LAMA2: variants seen among roughly 807,000 people sequenced by gnomAD.
LAMA2 encodes laminin subunit alpha 2.
Under a neutral mutation model 364.8 loss-of-function variants are expected in LAMA2, and 269 were observed. The ratio of observed to expected loss-of-function variants is 0.74; its 90% CI spans 0.67 to 0.82. LAMA2 has a LOEUF of 0.82. Ranked by LOEUF, LAMA2 falls within the 40% of genes least tolerant of loss-of-function variation. The pLI is 0.00. For synonymous variants in LAMA2, 1,379 were observed against 1,370.6 expected, an observed-to-expected ratio of 1.01 and a Z score of -0.14; for missense variants, 3,807 against 3,873.2, an observed-to-expected ratio of 0.98 and a Z score of 0.45.
intron 2 of LAMA2, among the ~76,000 whole-genome samples, chr6:129,056,606 A>G (rs1788506922): frequency 6.6e-6 from 1 of 152,218 alleles, no homozygotes; most frequent in Non-Finnish European, 1.5e-5. Context: ...CTATAATACC[A>G]TAAATAGCTT....
intron 1 of LAMA2, among the ~76,000 whole-genome samples, chr6:129,043,577 T>C: frequency 6.6e-6 from 1 of 152,244 alleles, no homozygotes; most frequent in Admixed American, 6.5e-5. Flanking sequence ...TGCTTGAAGA[T>C]GCTTGTTTGC....
At chr6:129,202,926 A>G (rs938996292) in intron 12 of LAMA2, among the ~76,000 whole-genome samples, 4 of 152,246 alleles carry the variant, frequency 2.6e-5, no homozygotes, top group Non-Finnish European at 5.9e-5. Context: ...AATTAAGTGT[A>G]TCAAACAGGT....
At chr6:129,358,939 C>T (rs1777305550) in intron 32 of LAMA2, among the ~76,000 whole-genome samples, 1 of 151,930 alleles carries the variant, frequency 6.6e-6, no homozygotes, top group African/African-American at 2.4e-5. Context: ...TTACATTTCT[C>T]CTGTCTTTAA....
rs371405470 is a variant in LAMA2, at chr6:128,967,835, CCTCAGATTATTAT to C, written c.113-82067_113-82055del. On this transcript the variant is annotated intron_variant, in intron 1 of 64. Coordinates refer to ENST00000421865, the MANE Select transcript of LAMA2 (RefSeq NM_000426.4). The stretch of plus-strand genomic sequence containing the variant: ...TACACCTCAGATTATTTCTATTACA[CCTCAGATTATTAT>C]CTCAGATTATTATCTATTACACCTC... Among the ~76,000 whole-genome samples, 934 of 152,182 alleles carry C rather than the reference CCTCAGATTATTAT, an allele frequency of 6.1e-3. 10 individuals are homozygous for C. The highest frequency in any genetic ancestry group is 0.021 in the African/African-American group (877 of 41,502).
chr6:129,140,291 A>G (rs946069935), intron 4 of LAMA2, among the ~76,000 whole-genome samples: 1 of 152,120 alleles, frequency 6.6e-6, no homozygotes, highest in African/African-American at 2.4e-5. Flanking sequence ...ATTTGGGTGA[A>G]CAGAGTATAA....
At chr6:129,346,973 G>T (rs1776589557) in intron 30 of LAMA2, among the ~76,000 whole-genome samples, 1 of 152,130 alleles carries the variant, frequency 6.6e-6, no homozygotes, top group Admixed American at 6.6e-5. Context: ...AAAAGTCACT[G>T]CACTGGCCCT....
At chr6:129,338,360 G>C (rs1240741847) in intron 29 of LAMA2, among the ~76,000 whole-genome samples, 1 of 152,100 alleles carries the variant, frequency 6.6e-6, no homozygotes, top group Non-Finnish European at 1.5e-5. Flanking sequence ...TTATTCATCA[G>C]CATGACACCT....
At position 129,415,945 on chromosome 6, in the gene LAMA2, CT is replaced by C. The variant is rs952225363; in HGVS notation, c.5866-11786del. ...TTTGCTGAAATTATACACTTTCTTT[CT>C]TTTTTTTTTTTTTTTTTTTTGAGAC... is the stretch of plus-strand genomic sequence containing the variant. On this transcript the variant is annotated intron_variant, in intron 40 of 64. Coordinates refer to ENST00000421865, the MANE Select transcript of LAMA2 (RefSeq NM_000426.4). Among the ~76,000 whole-genome samples the C allele has an allele frequency of 2.5e-3, 85 of 33,700 alleles. 2 individuals are homozygous for C. Among genetic ancestry groups the C allele is most frequent in the South Asian group, 7.6e-3 (7 of 918 alleles). The allele number at this position is 33,700 out of a possible 152,430, so 22.1% of individuals were successfully genotyped here.
rs866449672 is a variant in LAMA2, at chr6:129,320,737, C to T, written c.4176+82C>T. 7 of 764,186 alleles carry T rather than the reference C, an allele frequency of 9.2e-6. 1 individual carries two copies. Among genetic ancestry groups the T allele is most frequent in the South Asian group, 7.1e-5 (5 of 70,770 alleles). 47.3% of individuals were successfully genotyped at this position (764,186 alleles called of 1,614,324 possible). On this transcript the variant is annotated intron_variant, in intron 28 of 64. Transcript: ENST00000421865. ...AATACTCCCAGAAGTACCTTTACTG[C>T]ATACATATTCTTAATCTATTTTATT... is the stretch of plus-strand genomic sequence containing the variant.
intron 1 of LAMA2, among the ~76,000 whole-genome samples, chr6:128,883,801 TACACACACACACACAC>T (rs71543146): frequency 1.5e-5 from 2 of 136,034 alleles, no homozygotes; most frequent in East Asian, 4.1e-4. Flanking sequence ...TATATATATA[TACACACACACACACAC>T]ACACACACAC....
chr6:129,281,083 C>T (rs1042519495), intron 18 of LAMA2, among the ~76,000 whole-genome samples: 1 of 151,908 alleles, frequency 6.6e-6, no homozygotes, highest in Non-Finnish European at 1.5e-5. Context: ...GACAAAGTGC[C>T]AATGACAGTT....
At chr6:129,292,792 G>A in intron 20 of LAMA2, 1 of 985,008 alleles carries the variant, frequency 1.0e-6, no homozygotes, top group Non-Finnish European at 1.2e-6. Flanking sequence ...TTTTATGGTT[G>A]GTTTTTAAAG....
At chr6:129,183,534 T>G (rs1781051762) in intron 10 of LAMA2, among the ~76,000 whole-genome samples, 2 of 151,974 alleles carry the variant, frequency 1.3e-5, no homozygotes, top group South Asian at 4.1e-4. Context: ...AGAATGTTCT[T>G]GAGTTTCAGT....
Position 129,275,345 on chromosome 6 carries a change from A to T in LAMA2, c.2450+4594A>T, listed in dbSNP as rs140340816. 2.7e-3 allele frequency among the ~76,000 whole-genome samples: 409 copies of T among 152,150 alleles called. 3 individuals carry two copies. The highest frequency in any genetic ancestry group is 9.5e-3 in the African/African-American group (395 of 41,554). On this transcript the variant is annotated intron_variant, in intron 17 of 64. Transcript: ENST00000421865. ...AAGGAAAAAACTAAAGTTCAGAGAA[A>T]TTAAGTGCCTTGATAGTGATTATAC... is the stretch of plus-strand genomic sequence containing the variant.
At chr6:128,896,239 T>C (rs1325993465) in intron 1 of LAMA2, among the ~76,000 whole-genome samples, 1 of 152,050 alleles carries the variant, frequency 6.6e-6, no homozygotes, top group African/African-American at 2.4e-5. Flanking sequence ...CCTTATCTAG[T>C]ATAATTTATC....
chr6:129,005,753 T>C (rs1582857378), intron 1 of LAMA2, among the ~76,000 whole-genome samples: 1 of 148,282 alleles, frequency 6.7e-6, no homozygotes, highest in African/African-American at 2.6e-5. Context: ...TTTTTGGATC[T>C]ATCTATCTAT....
At chr6:129,178,018 T>C in intron 10 of LAMA2, 152 bp downstream of exon 10, 2 of 802,674 alleles carry the variant, frequency 2.5e-6, no homozygotes, top group Non-Finnish European at 4.2e-6. Context: ...AGGTTCACTG[T>C]AGCAGGATGT....
At chr6:129,272,517 C>G (rs1247100749) in intron 17 of LAMA2, among the ~76,000 whole-genome samples, 1 of 152,002 alleles carries the variant, frequency 6.6e-6, no homozygotes, top group East Asian at 1.9e-4. Flanking sequence ...TTTTAAAATC[C>G]ATGTGCTTTC....
chr6:128,989,703 G>A (rs1181923900), intron 1 of LAMA2, among the ~76,000 whole-genome samples: 1 of 152,188 alleles, frequency 6.6e-6, no homozygotes, highest in African/African-American at 2.4e-5. Flanking sequence ...TTGCTGAATA[G>A]AACTAAGAAT....
Sources: allele counts gnomAD v4.1 joint callset (sites outside exome capture counted in the v4.1 genomes callset), GRCh38; gene constraint gnomAD v4.1.1; transcripts MANE v1.5; gene names NCBI Gene and HGNC (gene_info 2026-07-23, HGNC 2026-07-21).